The following ACSS3 variants were observed in gnomAD, a reference collection of about 807,000 sequenced individuals.
ACSS3 encodes acyl-CoA synthetase short-chain family member 3, mitochondrial.
In ACSS3, 64 loss-of-function variants were observed where a neutral mutation model predicts 84.2. The observed-to-expected ratio is 0.76, with a 90% CI of 0.62 to 0.94. The LOEUF (loss-of-function observed/expected upper bound fraction) is 0.94. Among genes scored for constraint, ACSS3 ranks in the 40% least tolerant of loss-of-function variants. The pLI is 0.00. For synonymous variants in ACSS3, 317 were observed against 310.1 expected (o/e 1.02, Z -0.23); for missense variants, 815 against 867.6 (o/e 0.94, Z 0.76).
intron 2 of ACSS3, among the ~76,000 whole-genome samples, chr12:81,133,821 T>C (rs2701791): frequency 0.47 from 71,049 of 151,846 alleles, 16,911 homozygotes; most frequent in East Asian, 0.62. Context: ...TGTTTACTTA[T>C]CTGATGTATC....
intron 1 of ACSS3, among the ~76,000 whole-genome samples, chr12:81,084,200 A>C (rs1383946364): frequency 6.6e-6 from 1 of 152,164 alleles, no homozygotes; most frequent in East Asian, 1.9e-4. Context: ...GATCCATGGA[A>C]ACATTTTGTT....
In ACSS3 at chr12:81,174,944, C is replaced by T. The variant is rs775712918; in HGVS notation, c.1250+5C>T. 2.4e-5 allele frequency: 39 copies of T among 1,612,362 alleles called. No homozygotes were observed. The highest frequency in any genetic ancestry group is 7.7e-5 in the South Asian group (7 of 90,914). On this transcript the variant is annotated splice_donor_5th_base_variant and intron_variant, in intron 8 of 15. Coordinates refer to ENST00000548058, the MANE Select transcript of ACSS3 (RefSeq NM_024560.4). ...GAAGCAGTACTCTCTGACAAGGTGA[C>T]GTTGGGATGCACAGGGCAAATGACA... is the stretch of plus-strand genomic sequence containing the variant.
At chr12:81,241,245 T>A (rs1245036497) in intron 13 of ACSS3, among the ~76,000 whole-genome samples, 1 of 152,140 alleles carries the variant, frequency 6.6e-6, no homozygotes, top group East Asian at 1.9e-4. Context: ...TTATTGGACA[T>A]TTGGGTTGGT....
intron 2 of ACSS3, among the ~76,000 whole-genome samples, chr12:81,128,299 C>A (rs1284191726): frequency 6.6e-6 from 1 of 152,034 alleles, no homozygotes; most frequent in Non-Finnish European, 1.5e-5. Context: ...ATAAATTGAA[C>A]CAATGACAGG....
At chr12:81,182,322 AG>A (rs2030991739) in intron 8 of ACSS3, among the ~76,000 whole-genome samples, 1 of 152,216 alleles carries the variant, frequency 6.6e-6, no homozygotes, top group African/African-American at 2.4e-5. Context: ...GGATAAATAA[AG>A]TGTTTCAAAA....
intron 11 of ACSS3, among the ~76,000 whole-genome samples, chr12:81,221,118 C>T (rs1322459143): frequency 6.6e-6 from 1 of 151,920 alleles, no homozygotes; most frequent in Non-Finnish European, 1.5e-5. Context: ...TTAATTACAT[C>T]AAGACGTGTA....
chr12:81,196,853 C>A (rs2031860494), intron 8 of ACSS3, among the ~76,000 whole-genome samples: 1 of 152,066 alleles, frequency 6.6e-6, no homozygotes, highest in Non-Finnish European at 1.5e-5. Context: ...GACTTATTAC[C>A]ATGGGGAGGA....
At chr12:81,107,511 C>CACACACACAT (rs1403415163) in intron 1 of ACSS3, among the ~76,000 whole-genome samples, 8 of 38,828 alleles carry the variant, frequency 2.1e-4, no homozygotes, top group Admixed American at 8.7e-4. Flanking sequence ...CAAATATATA[C>CACACACACAT]ATATATATAT....
intron 5 of ACSS3, among the ~76,000 whole-genome samples, chr12:81,146,204 G>A (rs1391682369): frequency 6.6e-6 from 1 of 152,012 alleles, no homozygotes; most frequent in Non-Finnish European, 1.5e-5. Flanking sequence ...TTTGACCCAG[G>A]TAGAGCAGAA....
At chr12:81,214,588 T>C (rs959391137) in intron 9 of ACSS3, among the ~76,000 whole-genome samples, 1 of 152,208 alleles carries the variant, frequency 6.6e-6, no homozygotes, top group African/African-American at 2.4e-5. Context: ...GAAAGATGCT[T>C]GGGAATCTCA....
chr12:81,164,732 G>A (rs1887320024), intron 7 of ACSS3, among the ~76,000 whole-genome samples: 1 of 152,080 alleles, frequency 6.6e-6, no homozygotes, highest in African/African-American at 2.4e-5. Context: ...TTTTCACAGT[G>A]TAATTTTACC....
chr12:81,251,715 C>T (rs2034161604), intron 13 of ACSS3, among the ~76,000 whole-genome samples: 1 of 149,502 alleles, frequency 6.7e-6, no homozygotes, highest in Non-Finnish European at 1.5e-5. Flanking sequence ...TGGTGGTGTG[C>T]ACCTGTAGAA....
chr12:81,167,777 C>A (rs1887472053), intron 7 of ACSS3, among the ~76,000 whole-genome samples: 2 of 152,116 alleles, frequency 1.3e-5, no homozygotes, highest in Admixed American at 1.3e-4. Context: ...TGTTTCAGAC[C>A]TTAGTACATA....
chr12:81,124,207 T>C lies in ACSS3; in HGVS notation c.457-10609T>C, dbSNP rs559531431. Among the ~76,000 whole-genome samples, 24 of 152,290 alleles carry C rather than the reference T, an allele frequency of 1.6e-4. No homozygotes were observed. In the East Asian group the frequency reaches 4.6e-3, roughly 29 times the overall value. On this transcript the variant is annotated intron_variant, in intron 2 of 15. Coordinates refer to ENST00000548058, the MANE Select transcript of ACSS3 (RefSeq NM_024560.4). ...CTGACTGGTGTGACATGGTATCTCA[T>C]TGTGGTTTTGATTTGCATCTCTCTA...
chr12:81,129,968 T>C (rs2121549755), intron 2 of ACSS3, among the ~76,000 whole-genome samples: 1 of 152,290 alleles, frequency 6.6e-6, no homozygotes, highest in Non-Finnish European at 1.5e-5. Flanking sequence ...TCCTTTTTTA[T>C]GGCTGCATAG....
At position 81,213,926 on chromosome 12, in the gene ACSS3, TTCCTTC is replaced by T. The variant is rs1355447456; in HGVS notation, c.1355-2974_1355-2969del. ...TGTCCTTCCTTCCTTCCTTCCTTCC[TTCCTTC>T]CTTTCTCTCTCTCTCTCCCTCTCTC... On this transcript the variant is annotated intron_variant, in intron 9 of 15. Coordinates refer to ENST00000548058, the MANE Select transcript of ACSS3 (RefSeq NM_024560.4). Among the ~76,000 whole-genome samples, 75 of 100,424 alleles carry T rather than the reference TTCCTTC, an allele frequency of 7.5e-4. 4 individuals carry two copies. Among genetic ancestry groups the T allele is most frequent in the African/African-American group, 3.0e-3 (72 of 23,768 alleles). 65.9% of individuals were successfully genotyped at this position (100,424 alleles called of 152,430 possible). A position where few individuals can be genotyped will look rare whatever the true frequency, so the allele number is the denominator to read the frequency against.
At chr12:81,086,376 G>T (rs555599341) in intron 1 of ACSS3, among the ~76,000 whole-genome samples, 1 of 152,148 alleles carries the variant, frequency 6.6e-6, no homozygotes, top group Non-Finnish European at 1.5e-5. Flanking sequence ...AGAAAGACCA[G>T]TTTTAAAAGA....
intron 3 of ACSS3, among the ~76,000 whole-genome samples, chr12:81,138,467 A>G (rs1291245306): frequency 6.6e-6 from 1 of 152,216 alleles, no homozygotes; most frequent in East Asian, 1.9e-4. Flanking sequence ...CCCACCAGGG[A>G]TACATTTTGC....
intron 1 of ACSS3, among the ~76,000 whole-genome samples, chr12:81,093,870 G>T (rs111515612): frequency 6.6e-6 from 1 of 151,972 alleles, no homozygotes; most frequent in African/African-American, 2.4e-5. Flanking sequence ...CTGTCAATCT[G>T]TTTGACTCCC....
Sources: gnomAD v4.1 joint callset for allele counts (sites outside exome capture counted in the v4.1 genomes callset) on GRCh38, gnomAD v4.1.1 for gene constraint, MANE v1.5 for transcripts, NCBI Gene and HGNC (gene_info 2026-07-23, HGNC 2026-07-21) for gene names.